Variants in PPP2R2B observed in about 807,000 individuals in gnomAD.
PPP2R2B encodes protein phosphatase 2 regulatory subunit Bbeta.
A neutral mutation model predicts 46.0 loss-of-function variants in PPP2R2B; 5 were observed. That is an observed-to-expected ratio of 0.11 (90% CI 0.06 to 0.23). The LOEUF (loss-of-function observed/expected upper bound fraction) is 0.23. Among genes scored for constraint, PPP2R2B ranks in the 10% least tolerant of loss-of-function variants. The pLI is 1.00. For missense variants in PPP2R2B, 367 were observed against 575.0 expected (o/e 0.64, Z 3.70); for synonymous variants, 215 against 206.7 (o/e 1.04, Z -0.34).
rs1276993486 is a variant in PPP2R2B at position 146,909,299 on chromosome 5, T to C, written c.79+146366A>G. Among the ~76,000 whole-genome samples, 5 of 152,222 alleles carry C rather than the reference T, an allele frequency of 3.3e-5. No homozygotes were observed. The South Asian group carries it at 1.0e-3, about 31-fold the overall frequency. On this transcript the variant is annotated intron_variant, in intron 1 of 8. Coordinates refer to the PPP2R2B transcript ENST00000336640. ...GTAACTTATCAGTAAGTAGAGCAGT[T>C]CTTGAATTCAGTTCATTTGCTTCTG...
intron 5 of PPP2R2B, among the ~76,000 whole-genome samples, chr5:146,684,754 T>A (rs1368974090): frequency 6.6e-5 from 10 of 152,184 alleles, no homozygotes; most frequent in African/African-American, 2.2e-4. Flanking sequence ...AGGACAGTTA[T>A]CCTTCTCCAT....
At chr5:146,942,916 G>A (rs1215654675) in intron 1 of PPP2R2B, among the ~76,000 whole-genome samples, 1 of 151,748 alleles carries the variant, frequency 6.6e-6, no homozygotes, top group Non-Finnish European at 1.5e-5. Context: ...TACTGCCTCA[G>A]TCTCCCGAGT....
At chr5:146,738,652 CCTT>C (rs761232716) in intron 2 of PPP2R2B, among the ~76,000 whole-genome samples, 3 of 152,244 alleles carry the variant, frequency 2.0e-5, no homozygotes, top group Middle Eastern at 3.4e-3. Flanking sequence ...CTCTCTGTCT[CCTT>C]CTGTGTGTAC....
chr5:146,822,705 T>C (rs114518860), intron 2 of PPP2R2B, among the ~76,000 whole-genome samples: 1 of 152,280 alleles, frequency 6.6e-6, no homozygotes, highest in African/African-American at 2.4e-5. Flanking sequence ...CCACAGATTA[T>C]TATTAGAAAA....
intron 1 of PPP2R2B, among the ~76,000 whole-genome samples, chr5:146,931,300 C>T (rs141216745): frequency 6.6e-6 from 1 of 152,224 alleles, no homozygotes; most frequent in East Asian, 1.9e-4. Flanking sequence ...TCTTCTGCTA[C>T]ACAATGGGAA....
At chr5:146,616,043 T>C (rs1232066266) in intron 7 of PPP2R2B, among the ~76,000 whole-genome samples, 4 of 152,090 alleles carry the variant, frequency 2.6e-5, no homozygotes, top group Non-Finnish European at 5.9e-5. Flanking sequence ...AACAGACATA[T>C]AGATCAATGG....
chr5:146,670,001 A>G (rs770707331), intron 5 of PPP2R2B, among the ~76,000 whole-genome samples: 3 of 152,182 alleles, frequency 2.0e-5, no homozygotes, highest in Non-Finnish European at 2.9e-5. Context: ...TCTGCAGTAA[A>G]CTCAATGTCA....
chr5:146,651,282 C>A (rs749264475), intron 5 of PPP2R2B, among the ~76,000 whole-genome samples: 68 of 152,050 alleles, frequency 4.5e-4, no homozygotes, highest in Non-Finnish European at 8.8e-4. Context: ...ATATAGGGAA[C>A]CCAATGACAT....
chr5:146,939,089 A>T (rs1204208825), intron 1 of PPP2R2B, among the ~76,000 whole-genome samples: 1 of 152,094 alleles, frequency 6.6e-6, no homozygotes, highest in Non-Finnish European at 1.5e-5. Context: ...TGTCTTAGCA[A>T]CTTTATTTTT....
chr5:146,600,344 T>C lies in PPP2R2B; in HGVS notation c.907A>G (p.Thr303Ala), dbSNP rs1004275629. The change falls in exon 8 of 10, where the codon ACC becomes GCC. Residue 303 changes from threonine to alanine, a missense_variant. Transcript: ENST00000394411. ...ATGTTGAGATCCCAGACTTTGACGG[T>C]CAAGTAGTCCCTGGTCATGATATAC... is the stretch of plus-strand genomic sequence containing the variant. ...GRYIMTRDYL[T>A]VKVWDLNMEN... 7 of 1,613,778 alleles carry C rather than the reference T, an allele frequency of 4.3e-6. No individual in the cohort carries two copies. The highest frequency in any genetic ancestry group is 5.9e-6 in the Non-Finnish European group (7 of 1,179,912).
At position 146,791,843 on chromosome 5, in the gene PPP2R2B, C is replaced by T. The variant is rs114105967; in HGVS notation, c.70+86159G>A. ...TTCTTTTCTTCTTCTGCCAATAATC[C>T]CCTGACTTTCCCTTTTCTTATCCTC... On this transcript the variant is annotated intron_variant, in intron 2 of 9. Transcript: ENST00000394411. Among the ~76,000 whole-genome samples, 1,070 of 152,218 alleles carry T rather than the reference C, an allele frequency of 7.0e-3. 17 individuals are homozygous for T. The highest frequency in any genetic ancestry group is 0.024 in the African/African-American group (1,016 of 41,518).
intron 1 of PPP2R2B, among the ~76,000 whole-genome samples, chr5:147,044,056 T>G (rs1232094530): frequency 6.6e-6 from 1 of 152,120 alleles, no homozygotes; most frequent in Non-Finnish European, 1.5e-5. Context: ...AGTGAGCTAA[T>G]ACATTAAAAC....
At chr5:146,819,650 AAAATG>A (rs1758139571) in intron 2 of PPP2R2B, among the ~76,000 whole-genome samples, 1 of 152,236 alleles carries the variant, frequency 6.6e-6, no homozygotes, top group Non-Finnish European at 1.5e-5. Context: ...AATGTATATT[AAAATG>A]AATTTGCTTT....
At chr5:146,934,579 A>G (rs754355729) in intron 1 of PPP2R2B, among the ~76,000 whole-genome samples, 2 of 127,904 alleles carry the variant, frequency 1.6e-5, no homozygotes, top group Non-Finnish European at 3.2e-5. Flanking sequence ...GTAGTTTTTC[A>G]TAAGAAAAAA....
chr5:146,816,184 G>A (rs938782480), intron 2 of PPP2R2B, among the ~76,000 whole-genome samples: 5 of 152,040 alleles, frequency 3.3e-5, no homozygotes, highest in Admixed American at 2.6e-4. Context: ...CAGGAGGCTC[G>A]CTTGAGCCCA....
chr5:146,669,760 A>G (rs1169109266), intron 5 of PPP2R2B, among the ~76,000 whole-genome samples: 1 of 152,204 alleles, frequency 6.6e-6, no homozygotes, highest in African/African-American at 2.4e-5. Context: ...GACTTTAAAG[A>G]GCTGAGGCTC....
At chr5:146,986,897 G>A (rs1753456896) in intron 1 of PPP2R2B, among the ~76,000 whole-genome samples, 1 of 152,000 alleles carries the variant, frequency 6.6e-6, no homozygotes. Flanking sequence ...ATATAAATAG[G>A]TAGGGGAAGC....
chr5:146,625,487 T>C (rs1319324542), intron 7 of PPP2R2B, among the ~76,000 whole-genome samples: 1 of 152,208 alleles, frequency 6.6e-6, no homozygotes, highest in Non-Finnish European at 1.5e-5. Context: ...ACTTTCACTG[T>C]CCTAAATGCT....
chr5:146,857,970 A>G (rs319240), intron 2 of PPP2R2B, among the ~76,000 whole-genome samples: 73,371 of 152,102 alleles, frequency 0.48, 19,329 homozygotes, highest in East Asian at 0.72. Context: ...TTACAGGCAT[A>G]AGCCACCATG....
Sources: allele counts gnomAD v4.1 joint callset (sites outside exome capture counted in the v4.1 genomes callset), GRCh38; gene constraint gnomAD v4.1.1; transcripts MANE v1.5; gene names NCBI Gene and HGNC (gene_info 2026-07-23, HGNC 2026-07-21).